The following CUX2 variants were observed in gnomAD, a reference collection of about 807,000 sequenced individuals.
CUX2 encodes cut like homeobox 2.
Under a neutral mutation model 144.8 loss-of-function variants are expected in CUX2, and 40 were observed. The ratio of observed to expected loss-of-function variants is 0.28; its 90% confidence interval spans 0.21 to 0.36. The LOEUF (loss-of-function observed/expected upper bound fraction) is 0.36. Ranked by LOEUF, CUX2 falls within the 10% of genes least tolerant of loss-of-function variation. The pLI, the probability that CUX2 is intolerant of heterozygous loss-of-function variation, is 1.00. For synonymous variants in CUX2, 827 were observed against 875.6 expected (o/e 0.94, Z 0.98); for missense variants, 1,615 against 1,994.0 (o/e 0.81, Z 3.62).
At chr12:111,276,618 T>C (rs1884884255) in intron 4 of CUX2, among the ~76,000 whole-genome samples, 3 of 151,566 alleles carry the variant, frequency 2.0e-5, no homozygotes, top group African/African-American at 7.3e-5. Context: ...GCTCACGTAG[T>C]TGTTTCCTTT....
At chr12:111,176,608 T>A (rs1256420366) in intron 1 of CUX2, among the ~76,000 whole-genome samples, 1 of 152,124 alleles carries the variant, frequency 6.6e-6, no homozygotes, top group Non-Finnish European at 1.5e-5. Context: ...CAGTGCCAGG[T>A]TTGGATGGGG....
At chr12:111,151,610 A>AC (rs1300944275) in intron 1 of CUX2, among the ~76,000 whole-genome samples, 8 of 152,154 alleles carry the variant, frequency 5.3e-5, no homozygotes, top group Non-Finnish European at 1.2e-4. Flanking sequence ...GCAGAGGAAG[A>AC]CGACTGACGC....
At chr12:111,250,788 G>T (rs914293611) in intron 3 of CUX2, among the ~76,000 whole-genome samples, 1 of 152,142 alleles carries the variant, frequency 6.6e-6, no homozygotes, top group South Asian at 2.1e-4. Flanking sequence ...GCCAAGCAGC[G>T]TGGGGCCATG....
At chr12:111,111,814 C>T (rs1175264459) in intron 1 of CUX2, among the ~76,000 whole-genome samples, 2 of 152,032 alleles carry the variant, frequency 1.3e-5, no homozygotes, top group African/African-American at 4.8e-5. Flanking sequence ...TTGAGTCTTG[C>T]TAACGGCAGC....
At position 111,342,002 on chromosome 12, in the gene CUX2, T is replaced by G. The variant is rs957972867; in HGVS notation, c.3608T>G (p.Phe1203Cys). The G allele has an allele frequency of 1.2e-6, 2 of 1,614,082 alleles. No individual in the cohort carries two copies. Among genetic ancestry groups the G allele is most frequent in the Non-Finnish European group, 1.7e-6 (2 of 1,180,016 alleles). The stretch of plus-strand genomic sequence containing the variant: ...CAGCAGACCATCGAGCTCCTCTCCT[T>G]CCAGCTCAACCTCAAGACCAACACC... Reference protein sequence around the residue: ...PSQQTIELLSFQLNLKTNTVI... With the variant: ...PSQQTIELLSCQLNLKTNTVI... Residue 1203 changes from phenylalanine to cysteine, a missense_variant, in exon 21 of 22, where the codon TTC (phenylalanine) becomes TGC (cysteine). Phe to Cys is a radical substitution (Grantham distance 205, BLOSUM62 -2). Transcript: ENST00000261726.
chr12:111,262,814 T>A (rs1884190829), intron 3 of CUX2, among the ~76,000 whole-genome samples: 1 of 152,242 alleles, frequency 6.6e-6, no homozygotes, highest in Non-Finnish European at 1.5e-5. Flanking sequence ...CTCTTTCATT[T>A]TTAGTGGCAA....
intron 9 of CUX2, among the ~76,000 whole-genome samples, chr12:111,301,947 T>A (rs1886315383): frequency 6.6e-6 from 1 of 152,226 alleles, no homozygotes; most frequent in African/African-American, 2.4e-5. Flanking sequence ...TTTCAAGGCT[T>A]GTCCTTTAGT....
At chr12:111,143,664 C>T (rs147525160) in intron 1 of CUX2, among the ~76,000 whole-genome samples, 1 of 152,336 alleles carries the variant, frequency 6.6e-6, no homozygotes, top group Non-Finnish European at 1.5e-5. Flanking sequence ...GAGACAATGC[C>T]GACTTTCCAA....
In CUX2 at chr12:111,077,465, G is replaced by T. The variant is rs143672484; in HGVS notation, c.63+43225G>T. 3.8e-3 allele frequency among the ~76,000 whole-genome samples: 581 copies of T among 152,276 alleles called. 6 individuals carry two copies. The highest frequency in any genetic ancestry group is 0.035 in the South Asian group (169 of 4,820). ...TAAATCCATCAGGCTCACCAGCCCC[G>T]GTCTTGGACCACTGAATAATTTACG... On this transcript the variant is annotated intron_variant, in intron 1 of 21. Coordinates refer to ENST00000261726, the MANE Select transcript of CUX2 (RefSeq NM_015267.4). The surrounding 1 kb of genome is among the most constrained non-coding windows in gnomAD (Gnocchi z 4.1).
intron 5 of CUX2, among the ~76,000 whole-genome samples, chr12:111,292,484 G>T (rs1395283855): frequency 6.6e-6 from 1 of 152,168 alleles, no homozygotes; most frequent in Non-Finnish European, 1.5e-5. Flanking sequence ...CAACTACTTG[G>T]GAGGCTTAGG....
In CUX2 at chr12:111,312,145, A is replaced by ACGC; in HGVS notation, c.1948_1950dup (p.Ala650dup). The ACGC allele has an allele frequency of 6.2e-7, 1 of 1,612,412 alleles. No individual in the cohort carries two copies. The highest frequency in any genetic ancestry group is 8.5e-7 in the Non-Finnish European group (1 of 1,178,866). On this transcript the variant is annotated inframe_insertion, in exon 16 of 22. Coordinates refer to ENST00000261726, the MANE Select transcript of CUX2 (RefSeq NM_015267.4). The surrounding 1 kb of genome is among the most constrained non-coding windows in gnomAD (Gnocchi z 4.3). ...CGCACGCCTGAGACAGGCTCAGACG[A>ACGC]CGCCATCAAGAGCATTCTAGAGCAG...
intron 18 of CUX2, among the ~76,000 whole-genome samples, chr12:111,331,715 C>T (rs533057098): frequency 3.7e-4 from 56 of 152,210 alleles, no homozygotes; most frequent in Non-Finnish European, 6.3e-4. Context: ...GTCATCCACC[C>T]GAGATCACAA....
At chr12:111,245,168 AT>A (rs1883219522) in intron 3 of CUX2, among the ~76,000 whole-genome samples, 1 of 152,052 alleles carries the variant, frequency 6.6e-6, no homozygotes, top group African/African-American at 2.4e-5. Flanking sequence ...TCCCTTATAA[AT>A]CATGTTGTTT....
At chr12:111,180,992 A>G (rs1879133011) in intron 1 of CUX2, among the ~76,000 whole-genome samples, 1 of 152,240 alleles carries the variant, frequency 6.6e-6, no homozygotes, top group African/African-American at 2.4e-5. Flanking sequence ...CCTTCATACT[A>G]CAGGGTCCCA....
chr12:111,133,989 C>T (rs1875679499), intron 1 of CUX2, among the ~76,000 whole-genome samples: 1 of 152,138 alleles, frequency 6.6e-6, no homozygotes, highest in Non-Finnish European at 1.5e-5. Flanking sequence ...CAGCAGACAC[C>T]CTACAAGGCT....
In CUX2 at chr12:111,246,220, G is replaced by A. The variant is rs772510862; in HGVS notation, c.223-17541G>A. ...TGACACAGAGATTCATATAGTGAAC[G>A]CCACCATCAGTGACACTGATTGCAT... is the stretch of plus-strand genomic sequence containing the variant. On this transcript the variant is annotated intron_variant, in intron 3 of 21. Coordinates refer to ENST00000261726, the MANE Select transcript of CUX2 (RefSeq NM_015267.4). This position sits in a 1 kb window ranked among gnomAD's most constrained non-coding sequence, Gnocchi z 4.0. Among the ~76,000 whole-genome samples the A allele has an allele frequency of 1.1e-4, 16 of 152,156 alleles. No homozygotes were observed. The highest frequency in any genetic ancestry group is 1.0e-4 in the Non-Finnish European group (7 of 68,020).
At chr12:111,052,944 C>A (rs1040510279) in intron 1 of CUX2, among the ~76,000 whole-genome samples, 8 of 152,198 alleles carry the variant, frequency 5.3e-5, no homozygotes, top group Non-Finnish European at 1.2e-4. Flanking sequence ...CCAGGATTGC[C>A]TGCTGTACCT....
chr12:111,220,782 T>TAAAAA (rs1881810656), intron 3 of CUX2, among the ~76,000 whole-genome samples: 3 of 70,846 alleles, frequency 4.2e-5, no homozygotes, highest in Admixed American at 1.5e-4. Flanking sequence ...AAAAAAAAAT[T>TAAAAA]TAAATGAGCT....
intron 1 of CUX2, among the ~76,000 whole-genome samples, chr12:111,105,636 T>C (rs866602702): frequency 6.6e-6 from 1 of 152,180 alleles, no homozygotes; most frequent in African/African-American, 2.4e-5. Context: ...GGAGAATAAC[T>C]GGGACTTTGG....
Sources: allele counts gnomAD v4.1 joint callset (sites outside exome capture counted in the v4.1 genomes callset), GRCh38; gene constraint gnomAD v4.1.1; non-coding constraint Gnocchi (gnomAD v3.1); transcripts MANE v1.5; gene names NCBI Gene and HGNC (gene_info 2026-07-23, HGNC 2026-07-21).